RIPOR2: variants seen among roughly 807,000 people sequenced by gnomAD.
The protein encoded by RIPOR2 is RHO family interacting cell polarization regulator 2, also known as rho family-interacting cell polarization regulator 2.
In RIPOR2, 39 loss-of-function variants were observed where a neutral mutation model predicts 114.5. That is an observed-to-expected ratio of 0.34 (90% CI 0.26 to 0.44). The LOEUF is 0.44. Among genes scored for constraint, RIPOR2 ranks in the 20% least tolerant of loss-of-function variants. RIPOR2 has a pLI of 1.00. For synonymous variants in RIPOR2, 445 were observed against 484.4 expected, an observed-to-expected ratio of 0.92 and a Z score of 1.07; for missense variants, 1,007 against 1,255.1, an observed-to-expected ratio of 0.80 and a Z score of 2.99.
At chr6:24,948,415 C>T (rs1297524597) in intron 1 of RIPOR2, 1 of 152,282 alleles carries the variant, frequency 6.6e-6, no homozygotes, top group East Asian at 1.9e-4. Context: ...TGAAGAGAAC[C>T]TCTGAGCATT....
At chr6:24,881,993 A>T (rs1468408072) in intron 1 of RIPOR2, among the ~76,000 whole-genome samples, 2 of 152,168 alleles carry the variant, frequency 1.3e-5, no homozygotes, top group Non-Finnish European at 2.9e-5. Context: ...CTTGGAGATA[A>T]CCTGTCTCTT....
intron 1 of RIPOR2, among the ~76,000 whole-genome samples, chr6:24,954,126 A>G (rs887703143): frequency 6.6e-6 from 1 of 152,202 alleles, no homozygotes; most frequent in East Asian, 1.9e-4. Flanking sequence ...ATACTAATAC[A>G]GAGCCCTAAA....
chr6:25,041,474 A>G (rs929336544), intron 1 of RIPOR2, among the ~76,000 whole-genome samples: 2 of 152,230 alleles, frequency 1.3e-5, no homozygotes, highest in African/African-American at 4.8e-5. Context: ...TTTGATTCAG[A>G]TGTTCCATTT....
intron 1 of RIPOR2, among the ~76,000 whole-genome samples, chr6:24,951,198 G>C (rs1286737818): frequency 6.6e-6 from 1 of 152,170 alleles, no homozygotes; most frequent in Non-Finnish European, 1.5e-5. Context: ...GGAACACTCT[G>C]CCCTACAGTG....
intron 6 of RIPOR2, among the ~76,000 whole-genome samples, chr6:24,868,610 G>A (rs1045615800): frequency 5.3e-5 from 8 of 152,238 alleles, no homozygotes; most frequent in Admixed American, 1.3e-4. Context: ...AATGGCACCC[G>A]AAAACCATGC....
At chr6:25,041,799 A>T (rs1490553828) in intron 1 of RIPOR2, 1 of 688,870 alleles carries the variant, frequency 1.5e-6, no homozygotes, top group Admixed American at 2.1e-5. Context: ...GTGTTGCGGG[A>T]AAGTGTGGAA....
At chr6:25,001,183 C>T (rs771464634) in intron 1 of RIPOR2, among the ~76,000 whole-genome samples, 4 of 152,026 alleles carry the variant, frequency 2.6e-5, no homozygotes, top group Admixed American at 2.6e-4. Flanking sequence ...TGTATGTATA[C>T]CATACATAGG....
rs1335616768 is a variant in RIPOR2, at chr6:24,850,611, A to G, written c.871T>C (p.Phe291Leu). 5.6e-6 allele frequency: 9 copies of G among 1,613,904 alleles called. No homozygotes were observed. The highest frequency in any genetic ancestry group is 7.6e-6 in the Non-Finnish European group (9 of 1,179,856). The change falls in exon 10 of 22, where the codon TTC becomes CTC. Residue 291 changes from phenylalanine (F) to leucine (L), a missense_variant. Physicochemically the swap from Phe to Leu is conservative, Grantham distance 22. Coordinates refer to ENST00000643898, the MANE Select transcript of RIPOR2 (RefSeq NM_001286445.3). ...ETVFLPLIVG[F>L]ISIKVTELKG... ...CAATACTGTACCTTGATGGAGATGA[A>G]CCCAACTATCAGGGGCAGAAAAACT...
intron 1 of RIPOR2, among the ~76,000 whole-genome samples, chr6:24,943,043 T>C (rs1772220580): frequency 2.0e-5 from 3 of 152,188 alleles, no homozygotes; most frequent in Admixed American, 1.3e-4. Context: ...CATGCACACA[T>C]ATGTTTACTG....
intron 1 of RIPOR2, among the ~76,000 whole-genome samples, chr6:25,017,359 C>T (rs748292600): frequency 2.6e-5 from 4 of 152,180 alleles, no homozygotes; most frequent in East Asian, 1.9e-4. Flanking sequence ...AGCAAAAGCT[C>T]GGTTGTTTGC....
intron 1 of RIPOR2, among the ~76,000 whole-genome samples, chr6:24,891,756 AC>A (rs1562319607): frequency 7.1e-6 from 1 of 141,454 alleles, no homozygotes; most frequent in Non-Finnish European, 1.5e-5. Context: ...CTGTAATCAC[AC>A]CAAGCTCTCA....
chr6:24,868,330 G>C (rs1764828785), intron 6 of RIPOR2, among the ~76,000 whole-genome samples: 1 of 152,114 alleles, frequency 6.6e-6, no homozygotes, highest in South Asian at 2.1e-4. Flanking sequence ...ATAGAACCTA[G>C]GGCTTCTGAC....
At chr6:24,999,660 A>T (rs1440394583) in intron 1 of RIPOR2, among the ~76,000 whole-genome samples, 1 of 149,640 alleles carries the variant, frequency 6.7e-6, no homozygotes, top group African/African-American at 2.5e-5. Flanking sequence ...GGTTCACGCC[A>T]TTCTCCTGCC....
chr6:24,938,894 A>G (rs1771961837), upstream of RIPOR2, among the ~76,000 whole-genome samples: 1 of 152,208 alleles, frequency 6.6e-6, no homozygotes, highest in South Asian at 2.1e-4. Flanking sequence ...AAAATTAATA[A>G]ACTACATATG....
chr6:24,969,285 T>A (rs1021223307), intron 1 of RIPOR2, among the ~76,000 whole-genome samples: 1 of 152,194 alleles, frequency 6.6e-6, no homozygotes, highest in African/African-American at 2.4e-5. Flanking sequence ...AACAGCAATA[T>A]CTGATCACCT....
chr6:24,975,838 A>AAT (rs1774014821), intron 1 of RIPOR2, among the ~76,000 whole-genome samples: 1 of 151,984 alleles, frequency 6.6e-6, no homozygotes, highest in Non-Finnish European at 1.5e-5. Flanking sequence ...TAAATATATA[A>AAT]ATATATATAA....
intron 1 of RIPOR2, chr6:25,015,928 G>A (rs1775968977): frequency 9.4e-6 from 1 of 106,208 alleles, no homozygotes. Context: ...TTTTTTTAAG[G>A]AGTCTTACTC....
At chr6:25,039,050 G>A (rs2113778768) in intron 1 of RIPOR2, among the ~76,000 whole-genome samples, 1 of 152,322 alleles carries the variant, frequency 6.6e-6, no homozygotes, top group East Asian at 1.9e-4. Flanking sequence ...TTAAAGAAAA[G>A]GGGTTTACTA....
intron 9 of RIPOR2, among the ~76,000 whole-genome samples, chr6:24,851,581 G>A (rs1053323905): frequency 6.6e-5 from 10 of 152,146 alleles, no homozygotes; most frequent in Non-Finnish European, 1.3e-4. Flanking sequence ...GGGTTTTGGA[G>A]GAGATGTTAG....
Sources: gnomAD v4.1 joint callset for allele counts (sites outside exome capture counted in the v4.1 genomes callset) on GRCh38, gnomAD v4.1.1 for gene constraint, MANE v1.5 for transcripts, NCBI Gene and HGNC (gene_info 2026-07-23, HGNC 2026-07-21) for gene names.